Variants in MARCHF1 observed in about 807,000 individuals in gnomAD.
The protein encoded by MARCHF1 is membrane associated ring-CH-type finger 1, also known as E3 ubiquitin-protein ligase MARCHF1.
A neutral mutation model predicts 54.2 loss-of-function variants in MARCHF1; 40 were observed. That is an observed-to-expected ratio of 0.74 (90% CI 0.57 to 0.96). MARCHF1 has a LOEUF of 0.96. Ranked by LOEUF, MARCHF1 falls within the 40% of genes least tolerant of loss-of-function variation. The pLI, the probability that MARCHF1 is intolerant of heterozygous loss-of-function variation, is 0.00. For missense variants in MARCHF1, 586 were observed against 656.5 expected (o/e 0.89, Z 1.17); for synonymous variants, 236 against 236.3 (o/e 1.00, Z 0.01).
At chr4:163,607,793 A>G (rs1741193042) in intron 7 of MARCHF1, among the ~76,000 whole-genome samples, 1 of 152,122 alleles carries the variant, frequency 6.6e-6, no homozygotes, top group African/African-American at 2.4e-5. Flanking sequence ...AAGCTTCAGA[A>G]TCACCTGGGA....
chr4:164,194,021 A>AACT (rs111244473), intron 1 of MARCHF1, among the ~76,000 whole-genome samples: 23,399 of 152,016 alleles, frequency 0.15, 2,471 homozygotes, highest in African/African-American at 0.28. Flanking sequence ...AGGAAGAATG[A>AACT]ACTCTCTCTC....
intron 3 of MARCHF1, among the ~76,000 whole-genome samples, chr4:163,967,509 T>C (rs1158208179): frequency 6.6e-6 from 1 of 152,186 alleles, no homozygotes; most frequent in South Asian, 2.1e-4. Flanking sequence ...CAGCTGTCAA[T>C]GCCTTTCCTG....
intron 1 of MARCHF1, among the ~76,000 whole-genome samples, chr4:164,142,715 A>G (rs1163818253): frequency 6.6e-6 from 1 of 152,184 alleles, no homozygotes; most frequent in Non-Finnish European, 1.5e-5. Flanking sequence ...AACCACAAAA[A>G]TGGGGAAAAA....
At chr4:163,734,549 AAAAAAG>A (rs1745976854) in intron 4 of MARCHF1, among the ~76,000 whole-genome samples, 1 of 151,758 alleles carries the variant, frequency 6.6e-6, no homozygotes, top group South Asian at 2.1e-4. Flanking sequence ...AGCTAGACCA[AAAAAAG>A]AAAAAAAAGC....
intron 1 of MARCHF1, among the ~76,000 whole-genome samples, chr4:164,168,224 ATCACC>A (rs1730430527): frequency 1.3e-5 from 2 of 148,810 alleles, no homozygotes; most frequent in Admixed American, 1.3e-4. Context: ...ACTATGAGAT[ATCACC>A]TCACACCTGT....
At chr4:164,320,017 T>C (rs1735098840) in intron 1 of MARCHF1, among the ~76,000 whole-genome samples, 1 of 152,178 alleles carries the variant, frequency 6.6e-6, no homozygotes, top group African/African-American at 2.4e-5. Context: ...ATAAACACAA[T>C]TTTATGCTTT....
chr4:163,588,185 C>G lies in MARCHF1; in HGVS notation c.1011-2256G>C, dbSNP rs527552307. Among the ~76,000 whole-genome samples the G allele has an allele frequency of 1.6e-4, 25 of 152,300 alleles. No homozygotes were observed. The South Asian group carries it at 5.2e-3, about 32-fold the overall frequency. ...GGTCCGTATTAATGTCCCCTTCCCC[C>G]TGAACTGACTTAGGAAGCAGCCACA... On this transcript the variant is annotated intron_variant, in intron 7 of 9. Coordinates refer to ENST00000514618, the MANE Select transcript of MARCHF1 (RefSeq NM_001394959.1).
At chr4:163,626,881 A>G (rs1379175511) in intron 5 of MARCHF1, among the ~76,000 whole-genome samples, 1 of 152,114 alleles carries the variant, frequency 6.6e-6, no homozygotes, top group Non-Finnish European at 1.5e-5. Flanking sequence ...GAGCGAGATC[A>G]TGCCACCGCA....
chr4:164,286,369 T>A (rs531211161), intron 1 of MARCHF1, among the ~76,000 whole-genome samples: 89 of 152,288 alleles, frequency 5.8e-4, no homozygotes, highest in African/African-American at 1.8e-3. Flanking sequence ...TCAACATTTT[T>A]AAAAATAACT....
At chr4:164,139,906 T>C (rs1050370214) in intron 1 of MARCHF1, among the ~76,000 whole-genome samples, 6 of 152,254 alleles carry the variant, frequency 3.9e-5, no homozygotes, top group African/African-American at 1.4e-4. Context: ...CAAATTTGAC[T>C]CATTCAAATT....
chr4:164,204,681 G>A (rs1304689389), intron 1 of MARCHF1, among the ~76,000 whole-genome samples: 1 of 152,188 alleles, frequency 6.6e-6, no homozygotes, highest in Non-Finnish European at 1.5e-5. Flanking sequence ...TACTATGACA[G>A]GCATCAGGAA....
At chr4:164,097,220 T>C (rs1277504718) in intron 2 of MARCHF1, among the ~76,000 whole-genome samples, 1 of 152,156 alleles carries the variant, frequency 6.6e-6, no homozygotes, top group African/African-American at 2.4e-5. Flanking sequence ...GTAAATATAT[T>C]TCGCCAAGAA....
intron 8 of MARCHF1, among the ~76,000 whole-genome samples, chr4:163,571,183 A>G (rs1739831580): frequency 6.6e-6 from 1 of 152,132 alleles, no homozygotes; most frequent in African/African-American, 2.4e-5. Context: ...CCCTTGAGTC[A>G]TACTTTAATA....
chr4:163,745,805 G>A (rs913966358), intron 4 of MARCHF1, among the ~76,000 whole-genome samples: 2 of 151,938 alleles, frequency 1.3e-5, no homozygotes, highest in Non-Finnish European at 2.9e-5. Flanking sequence ...TTGTTTTGAA[G>A]CTGGTCAGTT....
At chr4:163,837,200 A>C (rs1449237888) in intron 4 of MARCHF1, among the ~76,000 whole-genome samples, 1 of 152,170 alleles carries the variant, frequency 6.6e-6, no homozygotes, top group Non-Finnish European at 1.5e-5. Context: ...TCCAGTGCTA[A>C]TAGACTTGGT....
chr4:163,531,670 T>C (rs796760046), intron 9 of MARCHF1, among the ~76,000 whole-genome samples: 149 of 152,026 alleles, frequency 9.8e-4, no homozygotes, highest in African/African-American at 3.5e-3. Context: ...AATGATATGA[T>C]TATGTATAAA....
chr4:163,883,591 T>C (rs1397611177), intron 3 of MARCHF1, among the ~76,000 whole-genome samples: 2 of 152,178 alleles, frequency 1.3e-5, no homozygotes, highest in African/African-American at 4.8e-5. Context: ...ACAATATATT[T>C]TTCCTGAAGC....
intron 4 of MARCHF1, among the ~76,000 whole-genome samples, chr4:163,848,829 A>T (rs1749564827): frequency 6.6e-6 from 1 of 152,214 alleles, no homozygotes; most frequent in South Asian, 2.1e-4. Context: ...TTCCGAATTT[A>T]AAACACAGGT....
chr4:163,968,451 A>G (rs1156484404), intron 3 of MARCHF1, among the ~76,000 whole-genome samples: 1 of 152,198 alleles, frequency 6.6e-6, no homozygotes, highest in East Asian at 1.9e-4. Context: ...ACATAATAAC[A>G]GACCTCATGT....
Sources: allele counts gnomAD v4.1 joint callset (sites outside exome capture counted in the v4.1 genomes callset), GRCh38; gene constraint gnomAD v4.1.1; transcripts MANE v1.5; gene names NCBI Gene and HGNC (gene_info 2026-07-23, HGNC 2026-07-21).